GRIA4: variants seen among roughly 807,000 people sequenced by gnomAD.
GRIA4 encodes glutamate receptor 4.
In GRIA4, 34 loss-of-function variants were observed where a neutral mutation model predicts 104.0. The observed-to-expected ratio is 0.33, with a 90% CI of 0.25 to 0.44. The LOEUF (loss-of-function observed/expected upper bound fraction) is 0.44. Among genes scored for constraint, GRIA4 ranks in the 20% least tolerant of loss-of-function variants. The pLI is 1.00. For missense variants in GRIA4, 750 were observed against 1,096.5 expected (o/e 0.68, Z 4.46); for synonymous variants, 386 against 381.9 (o/e 1.01, Z -0.13).
At chr11:105,907,937 G>A (rs1358716426) in intron 9 of GRIA4, among the ~76,000 whole-genome samples, 2 of 152,110 alleles carry the variant, frequency 1.3e-5, no homozygotes, top group African/African-American at 4.8e-5. Context: ...TGAAGCTCTA[G>A]AGCATCACTC....
chr11:105,779,479 C>T lies in GRIA4; in HGVS notation c.487+26259C>T, dbSNP rs181903781. ...CCTGTGTCCATGTGATCTCATTGTT[C>T]AGTTCCCACCTATGAGTGAGAATAT... On this transcript the variant is annotated intron_variant, in intron 4 of 16. Coordinates refer to ENST00000282499, the MANE Select transcript of GRIA4 (RefSeq NM_000829.4). Among the ~76,000 whole-genome samples, 595 of 152,212 alleles carry T rather than the reference C, an allele frequency of 3.9e-3. 6 individuals carry two copies. Among genetic ancestry groups the T allele is most frequent in the African/African-American group, 0.013 (548 of 41,546 alleles).
chr11:105,887,519 A>C lies in GRIA4; in HGVS notation c.673A>C (p.Ile225Leu). The change falls in exon 6 of 17, where the codon ATT (isoleucine) becomes CTT (leucine). Residue 225 changes from isoleucine (I) to leucine (L), a missense_variant and splice_region_variant. By Grantham distance (5) the Ile-to-Leu change is conservative. Transcript: ENST00000282499. ...CTCTTATTTGCTTATATCTTCACAG[A>C]TTGTAAGTGTTGGAAAGCATGTTAA... ...IERLQNILEQ[I>L]VSVGKHVKGY... 7.4e-7 allele frequency: 1 copy of C among 1,350,796 alleles called. No homozygotes were observed. Among genetic ancestry groups the C allele is most frequent in the Non-Finnish European group, 1.0e-6 (1 of 957,880 alleles). 83.7% of individuals were successfully genotyped at this position (1,350,796 alleles called of 1,614,324 possible).
At chr11:105,790,325 T>C (rs897623954) in intron 4 of GRIA4, among the ~76,000 whole-genome samples, 5 of 152,184 alleles carry the variant, frequency 3.3e-5, no homozygotes, top group African/African-American at 1.2e-4. Flanking sequence ...GCTTTAGTAA[T>C]TCACTGCCAA....
chr11:105,660,325 A>G (rs1951969974), intron 3 of GRIA4, among the ~76,000 whole-genome samples: 2 of 151,756 alleles, frequency 1.3e-5, no homozygotes, highest in Admixed American at 1.3e-4. Flanking sequence ...GAATGAGATT[A>G]AGAATAGCAG....
Position 105,903,915 on chromosome 11 carries a change from G to T in GRIA4, c.987G>T (p.Gly329=), listed in dbSNP as rs769170375. Residue 329 remains glycine, a synonymous_variant, in exon 8 of 17, where the codon GGG becomes GGT. Transcript: ENST00000282499. ...ATATCTCAAGGAGAGGAAATGCTGG[G>T]GATTGTCTGGCAAATCCTGCTGCTC... ...KIDISRRGNA[G]DCLANPAAPW... The T allele has an allele frequency of 1.2e-6, 2 of 1,613,436 alleles. No homozygotes were observed. The highest frequency in any genetic ancestry group is 3.3e-5 in the Admixed American group (2 of 59,994).
At chr11:105,967,762 AT>A (rs1858464747) in intron 14 of GRIA4, among the ~76,000 whole-genome samples, 1 of 151,682 alleles carries the variant, frequency 6.6e-6, no homozygotes, top group Non-Finnish European at 1.5e-5. Context: ...AAGAGAATAG[AT>A]TGTTGCACTC....
intron 3 of GRIA4, among the ~76,000 whole-genome samples, chr11:105,634,480 A>AGAAT (rs1951138826): frequency 1.7e-5 from 1 of 60,252 alleles, no homozygotes. Flanking sequence ...AAAGAAAGAA[A>AGAAT]GAAAGAAAGA....
intron 4 of GRIA4, among the ~76,000 whole-genome samples, chr11:105,822,350 T>G (rs999492838): frequency 6.6e-6 from 1 of 152,080 alleles, no homozygotes; most frequent in Non-Finnish European, 1.5e-5. Context: ...TCAGTTTGAT[T>G]TAACAGAATT....
At chr11:105,887,327 G>A (rs1946300162) in intron 5 of GRIA4, among the ~76,000 whole-genome samples, 192 bp from the exon 6 acceptor site, 1 of 151,934 alleles carries the variant, frequency 6.6e-6, no homozygotes, top group African/African-American at 2.4e-5. Flanking sequence ...AATAAAAGTG[G>A]TACTTTTTAC....
intron 4 of GRIA4, among the ~76,000 whole-genome samples, chr11:105,857,692 T>C (rs1291301516): frequency 6.6e-6 from 1 of 152,160 alleles, no homozygotes; most frequent in African/African-American, 2.4e-5. Flanking sequence ...AGCATTCCAT[T>C]AACCCTGCTC....
chr11:105,848,875 C>T (rs756791341), intron 4 of GRIA4, among the ~76,000 whole-genome samples: 1 of 151,966 alleles, frequency 6.6e-6, no homozygotes, highest in Non-Finnish European at 1.5e-5. Context: ...GAGACTAGGG[C>T]CTTTATTTAG....
intron 3 of GRIA4, among the ~76,000 whole-genome samples, chr11:105,683,474 T>C (rs149452588): frequency 6.9e-4 from 105 of 152,216 alleles, no homozygotes; most frequent in African/African-American, 2.1e-3. Context: ...ACTAGAGGAA[T>C]GCTTTTTTCA....
At position 105,848,222 on chromosome 11, in the gene GRIA4, A is replaced by G. The variant is rs547880255; in HGVS notation, c.488-13802A>G. Among the ~76,000 whole-genome samples the G allele has an allele frequency of 5.9e-5, 9 of 152,332 alleles. No homozygotes were observed. In the East Asian group the frequency reaches 1.5e-3, roughly 26 times the overall value. ...AAGTCAAGATCACTAGGGTACAACT[A>G]AAATATGAGAAGGGACAGCAGGCAG... On this transcript the variant is annotated intron_variant, in intron 4 of 16. Transcript: ENST00000282499.
chr11:105,636,963 T>C (rs1360594464), intron 3 of GRIA4, among the ~76,000 whole-genome samples: 5 of 152,190 alleles, frequency 3.3e-5, no homozygotes, highest in Non-Finnish European at 4.4e-5. Flanking sequence ...CAGTTGGTTT[T>C]AACAGAACAA....
intron 3 of GRIA4, among the ~76,000 whole-genome samples, chr11:105,748,560 T>A (rs946412520): frequency 6.6e-6 from 1 of 152,134 alleles, no homozygotes; most frequent in Non-Finnish European, 1.5e-5. Flanking sequence ...TTTTTTTGTA[T>A]TTTTATTAGA....
intron 4 of GRIA4, among the ~76,000 whole-genome samples, chr11:105,820,100 G>A (rs140119892): frequency 2.2e-3 from 335 of 152,170 alleles, no homozygotes; most frequent in African/African-American, 7.6e-3. Flanking sequence ...AGCTTCAGAG[G>A]GAGCATGGCC....
intron 14 of GRIA4, among the ~76,000 whole-genome samples, chr11:105,940,022 AG>A (rs1203428544): frequency 6.6e-6 from 1 of 152,104 alleles, no homozygotes; most frequent in Non-Finnish European, 1.5e-5. Flanking sequence ...TTATGATCCC[AG>A]GGCCCTCTTA....
chr11:105,793,741 G>A (rs1565240466), intron 4 of GRIA4, among the ~76,000 whole-genome samples: 1 of 152,028 alleles, frequency 6.6e-6, no homozygotes, highest in African/African-American at 2.4e-5. Context: ...AGGAAAGTGG[G>A]GATATCAATA....
chr11:105,797,707 G>A (rs909011582), intron 4 of GRIA4: 1 of 392,094 alleles, frequency 2.6e-6, no homozygotes, highest in Non-Finnish European at 5.2e-6. Flanking sequence ...TTTGTGTCTT[G>A]TTCATTTCTC....
Sources: gnomAD v4.1 joint callset for allele counts (sites outside exome capture counted in the v4.1 genomes callset) on GRCh38, gnomAD v4.1.1 for gene constraint, MANE v1.5 for transcripts, NCBI Gene and HGNC (gene_info 2026-07-23, HGNC 2026-07-21) for gene names.